The following RTL4 variants were observed in gnomAD, a reference collection of about 807,000 sequenced individuals.
The protein encoded by RTL4 is retrotransposon Gag like 4.
RTL4 carries 4 observed loss-of-function variants against 5.3 expected under a neutral mutation model. The ratio of observed to expected loss-of-function variants is 0.75; its 90% CI spans 0.37 to 1.72. The LOEUF (loss-of-function observed/expected upper bound fraction) is 1.72, where lower values mean the gene tolerates loss of function less well. Among genes scored for constraint, RTL4 ranks in the 40% most tolerant of loss-of-function variants. RTL4 has a pLI of 0.04. For missense variants in RTL4, 260 were observed against 227.1 expected, an observed-to-expected ratio of 1.14 and a Z score of -0.93; for synonymous variants, 98 against 87.3, an observed-to-expected ratio of 1.12 and a Z score of -0.68.
the RTL4 span, among the ~76,000 whole-genome samples, chrX:112,152,570 C>T: frequency 9.0e-6 from 1 of 111,525 alleles, no homozygotes; most frequent in Middle Eastern, 4.6e-3. Flanking sequence ...CTTTTCTCCT[C>T]TTCTGCTCTG....
chrX:112,236,466 TC>T, the RTL4 span, among the ~76,000 whole-genome samples: 2 of 81,057 alleles, frequency 2.5e-5, no homozygotes, highest in African/African-American at 5.1e-5. Context: ...TAGATCTATA[TC>T]TATATATAGA....
the RTL4 span, among the ~76,000 whole-genome samples, chrX:112,394,559 C>G: frequency 9.0e-6 from 1 of 111,448 alleles, no homozygotes; most frequent in African/African-American, 3.3e-5. Flanking sequence ...GCCTAACACT[C>G]CAGACTATAA....
the RTL4 span, among the ~76,000 whole-genome samples, chrX:112,270,127 G>A: frequency 2.2e-4 from 25 of 111,848 alleles, no homozygotes; most frequent in Non-Finnish European, 4.5e-4. Flanking sequence ...ACTCTCTGTT[G>A]GGAAATTTCA....
the RTL4 span, among the ~76,000 whole-genome samples, chrX:112,157,064 TTGTGTGTGTGTG>T: frequency 4.4e-3 from 422 of 96,572 alleles, 3 homozygotes; most frequent in African/African-American, 0.015. Flanking sequence ...GTTATACTGT[TTGTGTGTGTGTG>T]TGTGTGTGTG....
the RTL4 span, among the ~76,000 whole-genome samples, chrX:112,171,210 T>C: frequency 2.7e-5 from 3 of 111,488 alleles, no homozygotes; most frequent in Non-Finnish European, 3.8e-5. Context: ...TGAAGTTTTC[T>C]TTTTTTGATT....
chrX:112,350,976 T>A, the RTL4 span, among the ~76,000 whole-genome samples: 96 of 111,827 alleles, frequency 8.6e-4, no homozygotes, highest in Non-Finnish European at 7.9e-4. Flanking sequence ...CAATTTTGGA[T>A]CTTTCCTCCT....
the RTL4 span, among the ~76,000 whole-genome samples, chrX:112,239,297 C>T: frequency 9.0e-6 from 1 of 110,510 alleles, no homozygotes; most frequent in Admixed American, 9.7e-5. Flanking sequence ...AGTGGGGAGG[C>T]GGGCTTCTAT....
the RTL4 span, among the ~76,000 whole-genome samples, chrX:112,353,638 A>G: frequency 9.1e-6 from 1 of 110,249 alleles, no homozygotes; most frequent in Non-Finnish European, 1.9e-5. Flanking sequence ...AACAATGAGA[A>G]CACATGGACA....
the RTL4 span, among the ~76,000 whole-genome samples, chrX:112,339,573 A>G: frequency 6.2e-5 from 7 of 112,603 alleles, no homozygotes; most frequent in Non-Finnish European, 1.3e-4. Flanking sequence ...ATTTTGTTCC[A>G]TGAAAATAAG....
chrX:112,268,974 CAG>C, the RTL4 span, among the ~76,000 whole-genome samples: 32 of 112,227 alleles, frequency 2.9e-4, no homozygotes, highest in Non-Finnish European at 3.4e-4. Context: ...CGTTTGAATG[CAG>C]AGTTTCAATT....
chrX:112,114,788 G>A, the RTL4 span, among the ~76,000 whole-genome samples: 4 of 111,345 alleles, frequency 3.6e-5, no homozygotes, highest in African/African-American at 9.8e-5. Context: ...CTTGTGGGAT[G>A]TAAATTGCAA....
At chrX:112,199,026 C>T in the RTL4 span, among the ~76,000 whole-genome samples, 6 of 110,983 alleles carry the variant, frequency 5.4e-5, no homozygotes, top group East Asian at 2.9e-4. Flanking sequence ...CGGTGGCTCA[C>T]GCCTGTAATC....
chrX:112,189,346 G>A, the RTL4 span, among the ~76,000 whole-genome samples: 2 of 111,580 alleles, frequency 1.8e-5, no homozygotes, highest in Non-Finnish European at 3.8e-5. Flanking sequence ...ATTTTAAAAA[G>A]GGCATTTATT....
At chrX:112,263,153 T>C in the RTL4 span, among the ~76,000 whole-genome samples, 1 of 104,437 alleles carries the variant, frequency 9.6e-6, no homozygotes, top group Non-Finnish European at 2.0e-5. Context: ...TGTATACATA[T>C]GTAACAAACC....
At chrX:112,106,775 A>C in the RTL4 span, among the ~76,000 whole-genome samples, 1 of 111,913 alleles carries the variant, frequency 8.9e-6, no homozygotes, top group Admixed American at 9.5e-5. Context: ...GATCTTGAGC[A>C]CTTTAAAAAT....
the RTL4 span, among the ~76,000 whole-genome samples, chrX:112,180,719 C>T: frequency 9.0e-6 from 1 of 111,686 alleles, no homozygotes; most frequent in East Asian, 2.8e-4. Flanking sequence ...ATACCTTTTC[C>T]CCCCAGTTTT....
the RTL4 span, among the ~76,000 whole-genome samples, chrX:112,127,053 A>G: frequency 8.9e-6 from 1 of 111,986 alleles, no homozygotes; most frequent in South Asian, 3.7e-4. Context: ...AGGAGCGAAC[A>G]CTTTTAATTT....
chrX:112,326,559 G>A, the RTL4 span, among the ~76,000 whole-genome samples: 1 of 112,001 alleles, frequency 8.9e-6, no homozygotes, highest in Non-Finnish European at 1.9e-5. Flanking sequence ...CAAACTGCAA[G>A]GTGGCAGCGA....
At chrX:112,401,880 A>G in the RTL4 span, among the ~76,000 whole-genome samples, 1 of 112,338 alleles carries the variant, frequency 8.9e-6, no homozygotes, top group African/African-American at 3.2e-5. Flanking sequence ...CACATTAAAC[A>G]TCAACCCTTC....
Sources: gnomAD v4.1 joint callset for allele counts (sites outside exome capture counted in the v4.1 genomes callset) on GRCh38, gnomAD v4.1.1 for gene constraint, MANE v1.5 for transcripts, NCBI Gene and HGNC (gene_info 2026-07-23, HGNC 2026-07-21) for gene names.